TCF25: variants seen among roughly 807,000 people sequenced by gnomAD.
The protein encoded by TCF25 is ribosome quality control complex subunit TCF25.
TCF25 carries 41 observed loss-of-function variants against 83.1 expected under a neutral mutation model. That is an observed-to-expected ratio of 0.49 (90% CI 0.38 to 0.64). The LOEUF (loss-of-function observed/expected upper bound fraction) is 0.64. TCF25 is among the 30% of genes least tolerant of loss of function. The pLI is 0.00. For synonymous variants in TCF25, 458 were observed against 365.0 expected (o/e 1.25, Z -2.90); for missense variants, 979 against 914.5 (o/e 1.07, Z -0.91).
At chr16:89,904,701 C>G (rs1357379134) in intron 13 of TCF25, 1 of 656,710 alleles carries the variant, frequency 1.5e-6, no homozygotes, top group Admixed American at 2.2e-5. Flanking sequence ...TGCATTTTCA[C>G]ATTTCTGTGA....
chr16:89,882,167 A>C (rs1362378215), intron 1 of TCF25, among the ~76,000 whole-genome samples: 1 of 152,154 alleles, frequency 6.6e-6, no homozygotes, highest in Admixed American at 6.5e-5. Flanking sequence ...TATCCATTTA[A>C]TATTATACTC....
chr16:89,910,379 C>T (rs928378652), intron 16 of TCF25: 13 of 597,544 alleles, frequency 2.2e-5, no homozygotes, highest in Non-Finnish European at 3.9e-5. Context: ...CATCCTGTTC[C>T]CGCTGTCCAC....
intron 12 of TCF25, among the ~76,000 whole-genome samples, chr16:89,903,033 T>A (rs2044475182): frequency 6.6e-6 from 1 of 152,172 alleles, no homozygotes; most frequent in African/African-American, 2.4e-5. Flanking sequence ...GTCCCCTGTG[T>A]CTAAGAAGCA....
At position 89,883,494 on chromosome 16, in the gene TCF25, G is replaced by A; in HGVS notation, c.336G>A (p.Glu112=). 1 of 1,609,412 alleles carries A rather than the reference G, an allele frequency of 6.2e-7. No individual in the cohort carries two copies. Among genetic ancestry groups the A allele is most frequent in the Non-Finnish European group, 8.5e-7 (1 of 1,178,218 alleles). The change falls in exon 2 of 18, where the codon GAG becomes GAA. Residue 112 remains glutamate (E), a synonymous_variant. Transcript: ENST00000263346. ...TESKTDGDDT[E]TVPSEQSHAS... ...GCAAGACGGATGGAGATGACACCGA[G>A]ACAGTGCCCTCAGAGCAGGTGGGGG... is the stretch of plus-strand genomic sequence containing the variant.
Position 89,883,387 on chromosome 16 carries a change from A to T in TCF25, c.229A>T (p.Asn77Tyr). The change falls in exon 2 of 18, where the codon AAC becomes TAC. Residue 77 changes from asparagine to tyrosine, a missense_variant. Coordinates refer to ENST00000263346, the MANE Select transcript of TCF25 (RefSeq NM_014972.3). ...IDDLEDDPVVNGERSGCALTD... is the reference protein window; with the variant it reads ...IDDLEDDPVVYGERSGCALTD... ...CGATCTTGAGGATGACCCTGTGGTG[A>T]ACGGGGAGAGGTCTGGCTGTGCGCT... The T allele has an allele frequency of 6.2e-7, 1 of 1,613,946 alleles. No individual in the cohort carries two copies. Among genetic ancestry groups the T allele is most frequent in the East Asian group, 2.2e-5 (1 of 44,852 alleles).
chr16:89,883,156 C>CA (rs35918470), intron 1 of TCF25, among the ~76,000 whole-genome samples, 195 bp from the exon 2 acceptor site: 17,921 of 152,170 alleles, frequency 0.12, 1,266 homozygotes, highest in East Asian at 0.26. Context: ...GAGCTGCTGA[C>CA]AAAGTCCCCC....
chr16:89,895,886 G>A (rs147435968), intron 8 of TCF25, 104 bp from the exon 9 acceptor site: 104 of 1,043,334 alleles, frequency 1.0e-4, no homozygotes, highest in Non-Finnish European at 1.1e-4. Flanking sequence ...CTCTAGTTTC[G>A]TGACCTTCCG....
intron 9 of TCF25, among the ~76,000 whole-genome samples, chr16:89,897,389 G>T (rs1264638786): frequency 4.6e-5 from 7 of 152,216 alleles, no homozygotes; most frequent in African/African-American, 1.4e-4. Flanking sequence ...TCTGTCCGCT[G>T]TCCTGCCTCT....
chr16:89,898,685 C>T (rs923035391), intron 10 of TCF25, 36 bp downstream of exon 10: 1 of 1,612,024 alleles, frequency 6.2e-7, no homozygotes, highest in South Asian at 1.1e-5. Context: ...CGTCCACGCT[C>T]CCTGTCCTGG....
chr16:89,902,460 T>C (rs1272684850), intron 12 of TCF25, among the ~76,000 whole-genome samples: 7 of 108,070 alleles, frequency 6.5e-5, no homozygotes, highest in East Asian at 4.0e-4. Context: ...GAGGCCGAGG[T>C]GGGCGGATCA....
intron 1 of TCF25, among the ~76,000 whole-genome samples, chr16:89,877,277 C>T (rs1401202935): frequency 1.3e-5 from 2 of 151,988 alleles, no homozygotes; most frequent in Non-Finnish European, 2.9e-5. Flanking sequence ...AATTATAACT[C>T]ACTGTAATCT....
chr16:89,883,194 C>G (rs1439924084), intron 1 of TCF25, among the ~76,000 whole-genome samples, 157 bp from the exon 2 acceptor site: 1 of 152,152 alleles, frequency 6.6e-6, no homozygotes, highest in African/African-American at 2.4e-5. Flanking sequence ...ACTGCTGTGT[C>G]CAACAGTCTC....
intron 3 of TCF25, among the ~76,000 whole-genome samples, chr16:89,885,042 G>A (rs2042893661): frequency 1.4e-5 from 1 of 72,980 alleles, no homozygotes; most frequent in South Asian, 5.1e-4. Context: ...TCTGCCTGAC[G>A]CCCCTCTCCC....
chr16:89,898,524 G>C (rs777095737), intron 9 of TCF25, 33 bp from the exon 10 acceptor site: 2 of 1,604,898 alleles, frequency 1.2e-6, no homozygotes, highest in Non-Finnish European at 8.5e-7. Context: ...CCTTTGTGTC[G>C]TTGTAATTCA....
chr16:89,910,523 G>A (rs2045475412), intron 16 of TCF25, 68 bp from the exon 17 acceptor site: 3 of 1,559,924 alleles, frequency 1.9e-6, no homozygotes, highest in Admixed American at 3.4e-5. Context: ...AGGCAGCCCC[G>A]TGAGCCGGGT....
intron 1 of TCF25, among the ~76,000 whole-genome samples, chr16:89,881,737 A>G (rs1597275294): frequency 6.7e-6 from 1 of 149,228 alleles, no homozygotes; most frequent in African/African-American, 2.5e-5. Flanking sequence ...GAGCCACCAC[A>G]CCCAATCTGT....
chr16:89,881,091 C>T (rs1215527032), intron 1 of TCF25, among the ~76,000 whole-genome samples: 2 of 152,196 alleles, frequency 1.3e-5, no homozygotes, highest in Admixed American at 6.5e-5. Flanking sequence ...TTGCTCCTGA[C>T]TTGTCTCAGC....
intron 6 of TCF25, among the ~76,000 whole-genome samples, chr16:89,892,811 G>C (rs2043534738): frequency 6.6e-6 from 1 of 152,240 alleles, no homozygotes; most frequent in African/African-American, 2.4e-5. Context: ...CTCTGCAGTG[G>C]CTGAACTGTG....
At chr16:89,909,086 G>C in intron 16 of TCF25, 5 of 1,289,512 alleles carry the variant, frequency 3.9e-6, no homozygotes, top group Non-Finnish European at 5.1e-6. Context: ...TGTGGCAGGT[G>C]CGAGTGACAC....
Sources: gnomAD v4.1 joint callset for allele counts (sites outside exome capture counted in the v4.1 genomes callset) on GRCh38, gnomAD v4.1.1 for gene constraint, MANE v1.5 for transcripts, NCBI Gene and HGNC (gene_info 2026-07-23, HGNC 2026-07-21) for gene names.